FSTL4: variants seen among roughly 807,000 people sequenced by gnomAD.
The protein encoded by FSTL4 is follistatin like 4.
In FSTL4, 28 loss-of-function variants were observed where a neutral mutation model predicts 78.2. That is an observed-to-expected ratio of 0.36 (90% CI 0.27 to 0.49). FSTL4 has a LOEUF of 0.49. FSTL4 is among the 20% of genes least tolerant of loss of function. The probability of loss-of-function intolerance (pLI) is 0.98; values close to 1 mark genes in which losing one functional copy is unlikely to be tolerated. For missense variants in FSTL4, 922 were observed against 1,084.9 expected (o/e 0.85, Z 2.11); for synonymous variants, 422 against 440.5 (o/e 0.96, Z 0.53).
chr5:133,426,440 A>G lies in FSTL4; in HGVS notation c.161-25454T>C, dbSNP rs1238800945. Among the ~76,000 whole-genome samples, 1 of 151,966 alleles carries G rather than the reference A, an allele frequency of 6.6e-6. No homozygotes were observed. The highest frequency in any genetic ancestry group is 1.9e-4 in the East Asian group (1 of 5,180). ...AATAGCGCTGCCCTGCCCCCTCCGC[A>G]CTCCCTAATTGGAGAATGTCATGAA... On this transcript the variant is annotated intron_variant, in intron 3 of 15. Coordinates refer to ENST00000265342, the MANE Select transcript of FSTL4 (RefSeq NM_015082.2). The surrounding 1 kb of genome is among the most constrained non-coding windows in gnomAD (Gnocchi z 5.0).
chr5:133,280,079 G>A (rs1273017409), intron 6 of FSTL4, among the ~76,000 whole-genome samples: 1 of 152,200 alleles, frequency 6.6e-6, no homozygotes, highest in East Asian at 1.9e-4. Context: ...TCTCCTGAGT[G>A]GTGAGAGCAC....
intron 3 of FSTL4, among the ~76,000 whole-genome samples, chr5:133,545,403 G>A (rs939999082): frequency 7.9e-5 from 12 of 152,094 alleles, no homozygotes; most frequent in African/African-American, 2.4e-5. Context: ...TTATTATAAA[G>A]CAAGGCTTCT....
chr5:133,519,106 C>T (rs1758922349), intron 3 of FSTL4, among the ~76,000 whole-genome samples: 1 of 152,180 alleles, frequency 6.6e-6, no homozygotes. Flanking sequence ...AGGCAGAGTA[C>T]AAGGTGCTCC....
chr5:133,572,932 G>T (rs1422119573), intron 2 of FSTL4, among the ~76,000 whole-genome samples: 1 of 152,148 alleles, frequency 6.6e-6, no homozygotes, highest in East Asian at 1.9e-4. Context: ...CTATAAATTG[G>T]CTGAATAATC....
At chr5:133,313,244 C>T (rs796380311) in intron 5 of FSTL4, among the ~76,000 whole-genome samples, 1 of 152,332 alleles carries the variant, frequency 6.6e-6, no homozygotes, top group African/African-American at 2.4e-5. Flanking sequence ...CATGCACCCA[C>T]CCATCAGCCC....
intron 4 of FSTL4, among the ~76,000 whole-genome samples, chr5:133,399,437 C>T (rs2126970052): frequency 6.6e-6 from 1 of 152,332 alleles, no homozygotes; most frequent in South Asian, 2.1e-4. Context: ...AGGCACATTT[C>T]CCAAGCCCTG....
intron 4 of FSTL4, among the ~76,000 whole-genome samples, chr5:133,337,885 A>T (rs1260022085): frequency 6.6e-6 from 1 of 152,232 alleles, no homozygotes; most frequent in Non-Finnish European, 1.5e-5. Context: ...CTAGGTAGTG[A>T]GCATTTTGGA....
chr5:133,681,131 C>A, the FSTL4 span, among the ~76,000 whole-genome samples: 1 of 152,242 alleles, frequency 6.6e-6, no homozygotes, highest in Non-Finnish European at 1.5e-5. Flanking sequence ...TGGAGGCGGA[C>A]AGGCAGGCAG....
chr5:133,287,305 A>G lies in FSTL4; in HGVS notation c.727+25349T>C, dbSNP rs1004212270. 5.3e-5 allele frequency among the ~76,000 whole-genome samples: 8 copies of G among 151,470 alleles called. No individual in the cohort carries two copies. The South Asian group carries it at 8.4e-4, about 16-fold the overall frequency. On this transcript the variant is annotated intron_variant, in intron 6 of 15. Coordinates refer to ENST00000265342, the MANE Select transcript of FSTL4 (RefSeq NM_015082.2). ...CGGGAGGCTGAGGCAGGAGAATGGCATGAACCCAGGAGGTGGGGCTTGCAG... is the reference window on the plus strand; with the variant it reads ...CGGGAGGCTGAGGCAGGAGAATGGCGTGAACCCAGGAGGTGGGGCTTGCAG...
chr5:133,675,058 A>G, the FSTL4 span, among the ~76,000 whole-genome samples: 1 of 152,138 alleles, frequency 6.6e-6, no homozygotes, highest in Non-Finnish European at 1.5e-5. Flanking sequence ...TTTGTTCTCT[A>G]AGAAAATAAT....
the FSTL4 span, among the ~76,000 whole-genome samples, chr5:133,841,667 G>A: frequency 6.6e-6 from 1 of 152,170 alleles, no homozygotes; most frequent in Non-Finnish European, 1.5e-5. Flanking sequence ...TGTGCCCAGA[G>A]CCAACGCCAC....
intron 4 of FSTL4, among the ~76,000 whole-genome samples, chr5:133,329,752 G>T (rs1371581603): frequency 6.6e-6 from 1 of 152,158 alleles, no homozygotes; most frequent in Non-Finnish European, 1.5e-5. Flanking sequence ...CACAGACACA[G>T]CCAGGCTTAA....
At chr5:133,730,575 T>C in the FSTL4 span, among the ~76,000 whole-genome samples, 1 of 152,102 alleles carries the variant, frequency 6.6e-6, no homozygotes, top group Non-Finnish European at 1.5e-5. Flanking sequence ...CAGCTGGCCA[T>C]ACCTGGACAA....
intron 4 of FSTL4, among the ~76,000 whole-genome samples, chr5:133,325,265 C>T (rs531772513): frequency 6.6e-6 from 1 of 152,248 alleles, no homozygotes; most frequent in Non-Finnish European, 1.5e-5. Flanking sequence ...CGGCTCTGAT[C>T]AGTAAATGAA....
At chr5:133,550,994 G>C (rs1216917500) in intron 3 of FSTL4, among the ~76,000 whole-genome samples, 1 of 152,158 alleles carries the variant, frequency 6.6e-6, no homozygotes, top group Non-Finnish European at 1.5e-5. Flanking sequence ...GACTCATCTT[G>C]CTCCTCTCCT....
chr5:133,721,399 T>G, the FSTL4 span, among the ~76,000 whole-genome samples: 12 of 152,356 alleles, frequency 7.9e-5, no homozygotes, highest in East Asian at 2.3e-3. Flanking sequence ...ATATTCATGA[T>G]GGTAATTATT....
chr5:133,389,595 G>C (rs931003697), intron 4 of FSTL4, among the ~76,000 whole-genome samples: 3 of 152,130 alleles, frequency 2.0e-5, no homozygotes, highest in Admixed American at 6.5e-5. Flanking sequence ...CTTTATAAGA[G>C]ACATCTTCCT....
At chr5:133,709,386 C>T in the FSTL4 span, among the ~76,000 whole-genome samples, 8 of 152,248 alleles carry the variant, frequency 5.3e-5, no homozygotes, top group Admixed American at 2.0e-4. Flanking sequence ...TTCTATAATA[C>T]TTGAGAGATG....
At chr5:133,257,994 T>C (rs1331573369) in intron 6 of FSTL4, among the ~76,000 whole-genome samples, 4 of 152,198 alleles carry the variant, frequency 2.6e-5, no homozygotes, top group African/African-American at 9.7e-5. Context: ...ATCTCTAAGG[T>C]TGGATCCAGA....
Sources: allele counts gnomAD v4.1 joint callset (sites outside exome capture counted in the v4.1 genomes callset), GRCh38; gene constraint gnomAD v4.1.1; non-coding constraint Gnocchi (gnomAD v3.1); transcripts MANE v1.5; gene names NCBI Gene and HGNC (gene_info 2026-07-23, HGNC 2026-07-21).